ADAMTS19: variants seen among roughly 807,000 people sequenced by gnomAD.
ADAMTS19 encodes ADAM metallopeptidase with thrombospondin type 1 motif 19.
In ADAMTS19, 93 loss-of-function variants were observed where a neutral mutation model predicts 153.3. The ratio of observed to expected loss-of-function variants is 0.61; its 90% CI spans 0.51 to 0.72. ADAMTS19 has a LOEUF of 0.72. Ranked by LOEUF, ADAMTS19 falls within the 30% of genes least tolerant of loss-of-function variation. The pLI is 0.00. For synonymous variants in ADAMTS19, 600 were observed against 556.6 expected, an observed-to-expected ratio of 1.08 and a Z score of -1.10; for missense variants, 1,482 against 1,552.1, an observed-to-expected ratio of 0.95 and a Z score of 0.76.
At chr5:129,580,890 TTC>T (rs1749481549) in intron 7 of ADAMTS19, among the ~76,000 whole-genome samples, 1 of 152,200 alleles carries the variant, frequency 6.6e-6, no homozygotes, top group South Asian at 2.1e-4. Flanking sequence ...TGGCCTGAAA[TTC>T]TCTTTTTTTG....
intron 3 of ADAMTS19, among the ~76,000 whole-genome samples, chr5:129,511,420 G>C (rs1437379342): frequency 6.6e-6 from 1 of 151,728 alleles, no homozygotes; most frequent in East Asian, 1.9e-4. Context: ...TCTCACTCCA[G>C]CCTAGGTAAT....
At position 129,461,774 on chromosome 5, in the gene ADAMTS19, C is replaced by G. The variant is rs566568558; in HGVS notation, c.747+17C>G. The G allele has an allele frequency of 1.4e-6, 2 of 1,477,052 alleles. No individual in the cohort carries two copies. The highest frequency in any genetic ancestry group is 1.4e-5 in the African/African-American group (1 of 69,046). 91.5% of individuals were successfully genotyped at this position (1,477,052 alleles called of 1,614,324 possible). On this transcript the variant is annotated intron_variant, in intron 2 of 22. Coordinates refer to ENST00000274487, the MANE Select transcript of ADAMTS19 (RefSeq NM_133638.6). The surrounding 1 kb of genome is among the most constrained non-coding windows in gnomAD (Gnocchi z 4.6). The stretch of plus-strand genomic sequence containing the variant: ...GGTGGCCTGGTAAGCGCCTTCTTTC[C>G]CTAGCTCTCCATTTTCCCCTGCTGC...
chr5:129,548,597 A>G (rs568754937), intron 6 of ADAMTS19, among the ~76,000 whole-genome samples: 1 of 150,426 alleles, frequency 6.6e-6, no homozygotes, highest in Non-Finnish European at 1.5e-5. Context: ...ACTAGTTCAA[A>G]CATTGTGGAA....
rs146450516 is a variant in ADAMTS19 at position 129,724,461 on chromosome 5, T to G, written c.3313-10471T>G. Among the ~76,000 whole-genome samples the G allele has an allele frequency of 3.6e-3, 554 of 152,258 alleles. 4 individuals are homozygous for G. The highest frequency in any genetic ancestry group is 0.013 in the African/African-American group (530 of 41,564). ...GTCTACAGCAACCTCAGTTCTTGTC[T>G]CCTCAGAAGAAAGAATTTGACTGAG... On this transcript the variant is annotated intron_variant, in intron 21 of 22. Coordinates refer to ENST00000274487, the MANE Select transcript of ADAMTS19 (RefSeq NM_133638.6).
At chr5:129,495,051 T>C (rs1327105500) in intron 2 of ADAMTS19, among the ~76,000 whole-genome samples, 2 of 152,116 alleles carry the variant, frequency 1.3e-5, no homozygotes, top group Admixed American at 6.6e-5. Flanking sequence ...AATCAATAAA[T>C]TGTTTTTTAT....
chr5:129,657,399 T>C (rs566960678), intron 14 of ADAMTS19, among the ~76,000 whole-genome samples: 71 of 152,338 alleles, frequency 4.7e-4, no homozygotes, highest in African/African-American at 1.7e-3. Context: ...TAAATGGATG[T>C]ATCATCAGTC....
chr5:129,547,803 C>A lies in ADAMTS19; in HGVS notation c.1329-4061C>A, dbSNP rs541245202. 2.9e-4 allele frequency among the ~76,000 whole-genome samples: 44 copies of A among 150,928 alleles called. 1 individual carries two copies. The South Asian group carries it at 4.8e-3, about 16-fold the overall frequency. ...TACAAGGCTACAGAAACCAAAACAG[C>A]ATGGTACTGCTACCAAAACAGACAT... On this transcript the variant is annotated intron_variant, in intron 6 of 22. Coordinates refer to ENST00000274487, the MANE Select transcript of ADAMTS19 (RefSeq NM_133638.6).
chr5:129,462,068 A>T (rs1749693374), intron 2 of ADAMTS19, among the ~76,000 whole-genome samples: 1 of 152,206 alleles, frequency 6.6e-6, no homozygotes, highest in East Asian at 1.9e-4. Context: ...TCTGTTCTCC[A>T]GAGTTTTCCA....
intron 10 of ADAMTS19, among the ~76,000 whole-genome samples, chr5:129,634,354 C>T (rs1194523560): frequency 6.6e-6 from 1 of 152,174 alleles, no homozygotes; most frequent in Non-Finnish European, 1.5e-5. Context: ...AATGGCCATA[C>T]TGCCCAAAGC....
In ADAMTS19 at chr5:129,586,274, T is replaced by C. The variant is rs112973369; in HGVS notation, c.1373-10285T>C. 1.5e-3 allele frequency among the ~76,000 whole-genome samples: 233 copies of C among 152,334 alleles called. 1 individual carries two copies. The highest frequency in any genetic ancestry group is 5.2e-3 in the African/African-American group (216 of 41,574). ...ATGCATAATAGTATCCACATTATAG[T>C]ATCATATAGAGTAGTTTCTCTGCCT... is the stretch of plus-strand genomic sequence containing the variant. On this transcript the variant is annotated intron_variant, in intron 7 of 22. Coordinates refer to ENST00000274487, the MANE Select transcript of ADAMTS19 (RefSeq NM_133638.6).
intron 14 of ADAMTS19, 99 bp from the exon 15 acceptor site, chr5:129,658,518 A>C: frequency 8.4e-7 from 1 of 1,185,594 alleles, no homozygotes; most frequent in Non-Finnish European, 1.2e-6. Context: ...TTTACAATTA[A>C]ATATATCTGG....
chr5:129,581,169 G>A (rs1749496514), intron 7 of ADAMTS19, among the ~76,000 whole-genome samples: 1 of 152,202 alleles, frequency 6.6e-6, no homozygotes, highest in African/African-American at 2.4e-5. Context: ...TTGGGAGGGT[G>A]TATGTGTCCA....
At chr5:129,721,463 A>G (rs1196878361) in intron 21 of ADAMTS19, among the ~76,000 whole-genome samples, 2 of 152,210 alleles carry the variant, frequency 1.3e-5, no homozygotes, top group Non-Finnish European at 2.9e-5. Context: ...TCAACAGTAC[A>G]CACTCACTGA....
intron 19 of ADAMTS19, among the ~76,000 whole-genome samples, chr5:129,700,780 T>C (rs1755799548): frequency 6.6e-6 from 1 of 150,922 alleles, no homozygotes; most frequent in Admixed American, 6.6e-5. Flanking sequence ...GTTTATAATA[T>C]GACATGGAAA....
chr5:129,707,812 A>AGT (rs1756236450), intron 21 of ADAMTS19, among the ~76,000 whole-genome samples: 3 of 152,160 alleles, frequency 2.0e-5, no homozygotes, highest in Non-Finnish European at 4.4e-5. Flanking sequence ...TCAGCCTTGG[A>AGT]TTTACTTTAA....
chr5:129,630,990 T>C (rs926199589), intron 10 of ADAMTS19, among the ~76,000 whole-genome samples: 1 of 151,950 alleles, frequency 6.6e-6, no homozygotes, highest in Non-Finnish European at 1.5e-5. Flanking sequence ...ATCATTAATA[T>C]TGTATCAAGA....
chr5:129,579,370 T>A (rs1447795962), intron 7 of ADAMTS19, among the ~76,000 whole-genome samples: 6 of 152,216 alleles, frequency 3.9e-5, no homozygotes, highest in Admixed American at 3.9e-4. Flanking sequence ...TGCAAAAATG[T>A]TGTCCCATTC....
At chr5:129,699,719 C>A (rs978630649) in intron 19 of ADAMTS19, among the ~76,000 whole-genome samples, 4 of 152,078 alleles carry the variant, frequency 2.6e-5, no homozygotes, top group African/African-American at 9.6e-5. Context: ...TGTCAAGGAT[C>A]CAGGCACAGG....
chr5:129,476,296 C>T (rs898885263), intron 2 of ADAMTS19, among the ~76,000 whole-genome samples: 34 of 152,138 alleles, frequency 2.2e-4, no homozygotes, highest in African/African-American at 8.0e-4. Context: ...ATCTAAGCTA[C>T]TCATTTGGAG....
Sources: allele counts gnomAD v4.1 joint callset (sites outside exome capture counted in the v4.1 genomes callset), GRCh38; gene constraint gnomAD v4.1.1; non-coding constraint Gnocchi (gnomAD v3.1); transcripts MANE v1.5; gene names NCBI Gene and HGNC (gene_info 2026-07-23, HGNC 2026-07-21).